Variants in SGK2 observed in about 807,000 individuals in gnomAD.
SGK2 encodes the protein serine/threonine-protein kinase Sgk2.
Under a neutral mutation model 47.5 loss-of-function variants are expected in SGK2, and 36 were observed. The observed-to-expected ratio is 0.76, with a 90% CI of 0.58 to 1.00. SGK2 has a LOEUF of 1.00. SGK2 is among the 50% of genes least tolerant of loss of function. SGK2 has a pLI of 0.00. For synonymous variants in SGK2, 157 were observed against 181.9 expected, an observed-to-expected ratio of 0.86 and a Z score of 1.10; for missense variants, 404 against 467.4, an observed-to-expected ratio of 0.86 and a Z score of 1.25.
At chr20:43,561,629 C>T (rs887330897) in intron 1 of SGK2, among the ~76,000 whole-genome samples, 1 of 151,982 alleles carries the variant, frequency 6.6e-6, no homozygotes, top group Non-Finnish European at 1.5e-5. Context: ...CCTCATGATC[C>T]ACCCGCCTCG....
At position 43,584,927 on chromosome 20, in the gene SGK2, C is replaced by G; in HGVS notation, c.1015C>G (p.Pro339Ala). Reference sequence around the variant, plus strand: ...TGTGTCCAAGTCCATTGGCTGTACCCCTGACACTGTGGCCAGCAGCTCTGG... The same window carrying G: ...TGTGTCCAAGTCCATTGGCTGTACCGCTGACACTGTGGCCAGCAGCTCTGG... Reference protein sequence around the residue: ...EAVSKSIGCTPDTVASSSGAS... With the variant: ...EAVSKSIGCTADTVASSSGAS... The change falls in exon 13 of 13, where the codon CCT (proline) becomes GCT (alanine). Residue 339 changes from proline (P) to alanine (A), a missense_variant. Transcript: ENST00000373100. The G allele has an allele frequency of 6.2e-7, 1 of 1,614,104 alleles. No individual in the cohort carries two copies. Among genetic ancestry groups the G allele is most frequent in the Non-Finnish European group, 8.5e-7 (1 of 1,180,002 alleles).
intron 1 of SGK2, among the ~76,000 whole-genome samples, chr20:43,563,472 G>A (rs954647606): frequency 2.6e-5 from 4 of 152,208 alleles, no homozygotes; most frequent in Non-Finnish European, 4.4e-5. Flanking sequence ...ACTGGTCCAC[G>A]GTTTCATTGA....
chr20:43,579,874 C>G, intron 11 of SGK2, 98 bp from the exon 12 acceptor site: 1 of 789,004 alleles, frequency 1.3e-6, no homozygotes, highest in South Asian at 1.4e-5. Flanking sequence ...AGTTGACAGC[C>G]AGTTGCTTGT....
At chr20:43,581,379 A>G (rs928274750) in intron 12 of SGK2, among the ~76,000 whole-genome samples, 1 of 152,104 alleles carries the variant, frequency 6.6e-6, no homozygotes, top group Non-Finnish European at 1.5e-5. Context: ...TTACTTACCC[A>G]TGTTCCTAAT....
chr20:43,569,202 A>T (rs560944223), intron 5 of SGK2, among the ~76,000 whole-genome samples, 183 bp from the exon 6 acceptor site: 1 of 152,248 alleles, frequency 6.6e-6, no homozygotes, highest in East Asian at 1.9e-4. Flanking sequence ...TGAGCCCTGA[A>T]TACTAAGGAA....
chr20:43,574,717 C>G (rs1470562266), intron 9 of SGK2, among the ~76,000 whole-genome samples, 192 bp from the exon 10 acceptor site: 2 of 152,170 alleles, frequency 1.3e-5, no homozygotes, highest in Non-Finnish European at 2.9e-5. Context: ...CTTCTACATC[C>G]CCAACCCATG....
chr20:43,567,499 T>C (rs1979803791), intron 3 of SGK2, among the ~76,000 whole-genome samples, 166 bp from the exon 4 acceptor site: 1 of 152,142 alleles, frequency 6.6e-6, no homozygotes, highest in Admixed American at 6.5e-5. Flanking sequence ...ACAAGCCCTC[T>C]TTCGGCTGGG....
intron 12 of SGK2, chr20:43,583,410 C>T (rs1360278831): frequency 4.1e-6 from 5 of 1,217,484 alleles, no homozygotes; most frequent in Non-Finnish European, 5.2e-6. Context: ...TCTACAGTCA[C>T]ACAACTAATA....
At chr20:43,582,029 G>A (rs560209187) in intron 12 of SGK2, among the ~76,000 whole-genome samples, 60 of 152,260 alleles carry the variant, frequency 3.9e-4, no homozygotes, top group African/African-American at 1.4e-3. Flanking sequence ...TTGTCTTATA[G>A]TAAAGATGGT....
Position 43,574,995 on chromosome 20 carries a change from C to A in SGK2, c.684C>A (p.Leu228=), listed in dbSNP as rs766187049. The change falls in exon 10 of 13, where the codon CTC becomes CTA. Residue 228 remains leucine, a synonymous_variant. Transcript: ENST00000373100. Reference sequence around the variant, plus strand: ...TGGGGGCAGTCCTCTACGAGATGCTCCATGGCCTGGTGAGTCAGGGGTAGC... The same window carrying A: ...TGGGGGCAGTCCTCTACGAGATGCTACATGGCCTGGTGAGTCAGGGGTAGC... The part of the protein sequence containing the change: ...WCLGAVLYEM[L]HGLPPFYSQD... 1.9e-6 allele frequency: 3 copies of A among 1,612,714 alleles called. No homozygotes were observed. The highest frequency in any genetic ancestry group is 2.5e-6 in the Non-Finnish European group (3 of 1,178,906).
At chr20:43,583,192 G>C in intron 12 of SGK2, 2 of 1,289,468 alleles carry the variant, frequency 1.6e-6, no homozygotes, top group Middle Eastern at 4.3e-4. Flanking sequence ...GGATACACTC[G>C]GGCCAGGCAC....
intron 1 of SGK2, among the ~76,000 whole-genome samples, chr20:43,564,543 CACT>C (rs1979570609): frequency 6.6e-6 from 1 of 152,164 alleles, no homozygotes; most frequent in Admixed American, 6.5e-5. Context: ...TGATATACAC[CACT>C]ATGAACACAC....
intron 6 of SGK2, among the ~76,000 whole-genome samples, chr20:43,570,259 C>A (rs961971618): frequency 6.6e-6 from 1 of 152,194 alleles, no homozygotes; most frequent in Non-Finnish European, 1.5e-5. Context: ...AGCTACATGA[C>A]CTTGGGCAAG....
At chr20:43,574,523 G>A (rs549310304) in intron 9 of SGK2, among the ~76,000 whole-genome samples, 2 of 152,286 alleles carry the variant, frequency 1.3e-5, no homozygotes, top group South Asian at 2.1e-4. Flanking sequence ...CATCCCCTCC[G>A]GGCAGACTAA....
Position 43,585,010 on chromosome 20 carries a change from T to C in SGK2, c.1098T>C (p.Asp366=). ...SYAPEDDDIL[D]C ...CGCCAGAGGATGATGACATCTTGGATTGCTAGAAGAGAAGGACCTGTGAAA... is the reference window on the plus strand; with the variant it reads ...CGCCAGAGGATGATGACATCTTGGACTGCTAGAAGAGAAGGACCTGTGAAA... The change falls in exon 13 of 13, where the codon GAT becomes GAC. Residue 366 remains aspartate, a synonymous_variant. Transcript: ENST00000373100. 6.2e-7 allele frequency: 1 copy of C among 1,613,072 alleles called. No homozygotes were observed. Among genetic ancestry groups the C allele is most frequent in the Non-Finnish European group, 8.5e-7 (1 of 1,179,354 alleles).
chr20:43,566,640 C>T, intron 2 of SGK2, 109 bp downstream of exon 2: 1 of 751,812 alleles, frequency 1.3e-6, no homozygotes, highest in South Asian at 1.8e-5. Flanking sequence ...TTACTGCGAG[C>T]ACATAGAAAT....
At chr20:43,584,284 T>G (rs1980972910) in intron 12 of SGK2, among the ~76,000 whole-genome samples, 1 of 152,156 alleles carries the variant, frequency 6.6e-6, no homozygotes, top group South Asian at 2.1e-4. Context: ...TAATGTCCCA[T>G]TGGCCTAACC....
Position 43,572,929 on chromosome 20 carries a change from A to G in SGK2, c.597+792A>G, listed in dbSNP as rs926244598. Among the ~76,000 whole-genome samples, 1 of 152,058 alleles carries G rather than the reference A, an allele frequency of 6.6e-6. No homozygotes were observed. The highest frequency in any genetic ancestry group is 2.4e-5 in the African/African-American group (1 of 41,510). On this transcript the variant is annotated intron_variant, in intron 9 of 12. Transcript: ENST00000373100. The surrounding 1 kb of genome is among the most constrained non-coding windows in gnomAD (Gnocchi z 4.2). ...ATTTTAACACTTACAGCCCATCTCA[A>G]TTTGGAGCAGCCACATTTGAAGTGT...
At chr20:43,567,138 C>T in intron 3 of SGK2, 21 bp downstream of exon 3, 8 of 1,608,296 alleles carry the variant, frequency 5.0e-6, no homozygotes, top group Non-Finnish European at 6.8e-6. Context: ...GTCCCTCAAG[C>T]ACCTTTCCTA....
Sources: gnomAD v4.1 joint callset for allele counts (sites outside exome capture counted in the v4.1 genomes callset) on GRCh38, gnomAD v4.1.1 for gene constraint, Gnocchi (gnomAD v3.1) non-coding constraint, MANE v1.5 for transcripts, NCBI Gene and HGNC (gene_info 2026-07-23, HGNC 2026-07-21) for gene names.